Variants in KLK5 observed in about 807,000 individuals in gnomAD.
KLK5 encodes the protein kallikrein-5.
Under a neutral mutation model 24.0 loss-of-function variants are expected in KLK5, and 18 were observed. The ratio of observed to expected loss-of-function variants is 0.75; its 90% CI spans 0.52 to 1.11. KLK5 has a LOEUF of 1.11. KLK5 is among the 50% of genes most tolerant of loss of function. The probability of loss-of-function intolerance (pLI) is 0.00; values close to 1 mark genes in which losing one functional copy is unlikely to be tolerated. For synonymous variants in KLK5, 140 were observed against 154.0 expected (o/e 0.91, Z 0.67); for missense variants, 374 against 379.2 (o/e 0.99, Z 0.11).
In KLK5 at chr19:50,948,543, GTC is replaced by G. The variant is rs1424162173; in HGVS notation, c.726+95_726+96del. The G allele has an allele frequency of 1.6e-5, 20 of 1,253,406 alleles. No individual in the cohort carries two copies. The African/African-American group carries it at 2.1e-4, about 13-fold the overall frequency. The allele number at this position is 1,253,406 out of a possible 1,614,324, so 77.6% of individuals were successfully genotyped here. On this transcript the variant is annotated intron_variant, in intron 5 of 5. Transcript: ENST00000336334. ...CTCTGTGAGAACAGGGGTCCTGACT[GTC>G]TTGGCAATTGCTGGATTCTCAGAAT...
At chr19:50,946,687 G>A (rs1211813889) in intron 5 of KLK5, among the ~76,000 whole-genome samples, 3 of 151,962 alleles carry the variant, frequency 2.0e-5, no homozygotes, top group Non-Finnish European at 4.4e-5. Flanking sequence ...AGCCTCCCGA[G>A]TAGCTGGGAC....
intron 5 of KLK5, among the ~76,000 whole-genome samples, chr19:50,945,017 T>TCTCCTTCCTTCCTTC (rs2090618684): frequency 6.6e-6 from 1 of 150,416 alleles, no homozygotes; most frequent in Non-Finnish European, 1.5e-5. Flanking sequence ...TTCCTTTCTT[T>TCTCCTTCCTTCCTTC]CTCCTTCCTT....
At chr19:50,949,825 A>G (rs1220211901) in intron 3 of KLK5, 30 bp downstream of exon 3, 5 of 531,374 alleles carry the variant, frequency 9.4e-6, no homozygotes, top group Non-Finnish European at 1.3e-5. Context: ...CCCCGTCCCC[A>G]CCAACCCTCC....
In KLK5 at chr19:50,947,469, G is replaced by A. The variant is rs1438079019; in HGVS notation, c.726+1171C>T. On this transcript the variant is annotated intron_variant, in intron 5 of 5. Transcript: ENST00000336334. The surrounding 1 kb of genome is among the most constrained non-coding windows in gnomAD (Gnocchi z 8.7). Reference sequence around the variant, plus strand: ...TCCCCTGACCACCTTTTTGAATATTGGCCCTTATTGTTTACTATCCTAAAA... The same window carrying A: ...TCCCCTGACCACCTTTTTGAATATTAGCCCTTATTGTTTACTATCCTAAAA... Among the ~76,000 whole-genome samples, 2 of 151,994 alleles carry A rather than the reference G, an allele frequency of 1.3e-5. No individual in the cohort carries two copies. The highest frequency in any genetic ancestry group is 2.9e-5 in the Non-Finnish European group (2 of 68,000).
chr19:50,943,885 G>A, intron 5 of KLK5, 99 bp from the exon 6 acceptor site: 1 of 853,788 alleles, frequency 1.2e-6, no homozygotes, highest in Non-Finnish European at 1.8e-6. Context: ...TGGAGAAGCA[G>A]ATGGGAACAG....
At chr19:50,950,139 G>A (rs757316487) in intron 2 of KLK5, 23 bp from the exon 3 acceptor site, 51 of 1,522,050 alleles carry the variant, frequency 3.4e-5, no homozygotes, top group Non-Finnish European at 4.4e-5. Context: ...AATGGGTTGG[G>A]CGGGGCTCAG....
At chr19:50,948,185 G>A (rs918231359) in intron 5 of KLK5, among the ~76,000 whole-genome samples, 4 of 151,600 alleles carry the variant, frequency 2.6e-5, no homozygotes, top group Admixed American at 6.6e-5. Context: ...TGAGTGGCAC[G>A]ATCTCAGCTC....
At chr19:50,946,849 A>G (rs571418713) in intron 5 of KLK5, among the ~76,000 whole-genome samples, 43 of 151,940 alleles carry the variant, frequency 2.8e-4, no homozygotes, top group South Asian at 8.3e-4. Flanking sequence ...GTGAGCCACC[A>G]CGCCCGGCCG....
At chr19:50,946,705 G>A (rs1454210911) in intron 5 of KLK5, among the ~76,000 whole-genome samples, 4 of 151,934 alleles carry the variant, frequency 2.6e-5, no homozygotes, top group East Asian at 1.9e-4. Context: ...GACTACAGGC[G>A]CCTGCCACCA....
intron 5 of KLK5, among the ~76,000 whole-genome samples, chr19:50,944,164 CG>C (rs1568525771): frequency 3.9e-5 from 6 of 151,992 alleles, no homozygotes. Flanking sequence ...TCACCACACC[CG>C]GCTAATTTTT....
chr19:50,945,034 TTTC>T (rs1482515996), intron 5 of KLK5, among the ~76,000 whole-genome samples: 12 of 140,164 alleles, frequency 8.6e-5, no homozygotes, highest in African/African-American at 3.4e-4. Context: ...CCTTCCTTCC[TTTC>T]TTTCTCCTTC....
chr19:50,944,362 G>C (rs1255429641), intron 5 of KLK5, among the ~76,000 whole-genome samples: 1 of 152,062 alleles, frequency 6.6e-6, no homozygotes, highest in Non-Finnish European at 1.5e-5. Flanking sequence ...TCCTCTTCCA[G>C]ATTCCTGTTG....
At chr19:50,949,798 C>CGTCCCA in intron 3 of KLK5, 57 bp downstream of exon 3, 1 of 386,328 alleles carries the variant, frequency 2.6e-6, no homozygotes, top group South Asian at 3.3e-5. Flanking sequence ...CCCACTTCCC[C>CGTCCCA]ACCCCCACCC....
intron 5 of KLK5, 78 bp from the exon 6 acceptor site, chr19:50,943,864 A>G: frequency 9.0e-7 from 1 of 1,105,982 alleles, no homozygotes; most frequent in East Asian, 2.6e-5. Flanking sequence ...AGACCCAGAG[A>G]TGCCCATAGA....
chr19:50,947,878 G>T lies in KLK5; in HGVS notation c.726+762C>A, dbSNP rs139954003. The stretch of plus-strand genomic sequence containing the variant: ...AGCCCTGATCTTTCCCTCTAGATCC[G>T]TGCCATCCAATACAGTAACTGCTAG... On this transcript the variant is annotated intron_variant, in intron 5 of 5. Transcript: ENST00000336334. The surrounding 1 kb of genome is among the most constrained non-coding windows in gnomAD (Gnocchi z 8.7). Among the ~76,000 whole-genome samples the T allele has an allele frequency of 6.6e-6, 1 of 152,084 alleles. No individual in the cohort carries two copies. Among genetic ancestry groups the T allele is most frequent in the Non-Finnish European group, 1.5e-5 (1 of 68,028 alleles).
In KLK5 at chr19:50,947,844, A is replaced by G. The variant is rs982505407; in HGVS notation, c.726+796T>C. Among the ~76,000 whole-genome samples, 3 of 152,162 alleles carry G rather than the reference A, an allele frequency of 2.0e-5. No individual in the cohort carries two copies. Among genetic ancestry groups the G allele is most frequent in the African/African-American group, 7.2e-5 (3 of 41,438 alleles). On this transcript the variant is annotated intron_variant, in intron 5 of 5. Coordinates refer to ENST00000336334, the MANE Select transcript of KLK5 (RefSeq NM_012427.5). This position sits in a 1 kb window ranked among gnomAD's most constrained non-coding sequence, Gnocchi z 8.7. The stretch of plus-strand genomic sequence containing the variant: ...TATGCAGTGCACAACCTGCCCAACC[A>G]TACAAAACAGCCCTGATCTTTCCCT...
chr19:50,951,561 C>T (rs1335791126), intron 2 of KLK5, among the ~76,000 whole-genome samples: 2 of 152,156 alleles, frequency 1.3e-5, no homozygotes, highest in Non-Finnish European at 2.9e-5. Flanking sequence ...CGTGAGCCAC[C>T]GCGCCCGGCC....
Position 50,950,049 on chromosome 19 carries a change from G to T in KLK5, c.141C>A (p.Asn47Lys). 1 of 1,613,806 alleles carries T rather than the reference G, an allele frequency of 6.2e-7. No homozygotes were observed. ...HPSNTVPSGS[N>K]QDLGAGAGED... is the part of the protein sequence containing the mutation. ...CCCCGGCCCCAGCTCCCAGGTCCTG[G>T]TTGCTCCCAGAGGGCACGGTGTTAG... The change falls in exon 3 of 6, where the codon AAC becomes AAA. Residue 47 changes from asparagine (N) to lysine (K), a missense_variant. Transcript: ENST00000336334.
At position 50,948,702 on chromosome 19, in the gene KLK5, G is replaced by T; in HGVS notation, c.664C>A (p.Pro222Thr). 1 of 1,614,090 alleles carries T rather than the reference G, an allele frequency of 6.2e-7. No individual in the cohort carries two copies. Among genetic ancestry groups the T allele is most frequent in the South Asian group, 1.1e-5 (1 of 91,066 alleles). ...AACATGGTGTCATCTATCTGTCTCG[G>T]GTAAGCATCCTCGCACCTTTTCTGA... ...LSQKRCEDAY[P>T]RQIDDTMFCA... is the part of the protein sequence containing the mutation. Residue 222 changes from proline (P) to threonine (T), a missense_variant, in exon 5 of 6, where the codon CCG becomes ACG. Physicochemically the swap from Pro to Thr is conservative, Grantham distance 38. Coordinates refer to ENST00000336334, the MANE Select transcript of KLK5 (RefSeq NM_012427.5).
Sources: gnomAD v4.1 joint callset for allele counts (sites outside exome capture counted in the v4.1 genomes callset) on GRCh38, gnomAD v4.1.1 for gene constraint, Gnocchi (gnomAD v3.1) non-coding constraint, MANE v1.5 for transcripts, NCBI Gene and HGNC (gene_info 2026-07-23, HGNC 2026-07-21) for gene names.